Variants in CFAP251 observed in about 807,000 individuals in gnomAD.
The protein encoded by CFAP251 is cilia- and flagella-associated protein 251.
CFAP251 carries 93 observed loss-of-function variants against 126.7 expected under a neutral mutation model. The ratio of observed to expected loss-of-function variants is 0.73; its 90% CI spans 0.62 to 0.87. The LOEUF (loss-of-function observed/expected upper bound fraction) is 0.87, where lower values mean the gene tolerates loss of function less well. Among genes scored for constraint, CFAP251 ranks in the 40% least tolerant of loss-of-function variants. The probability of loss-of-function intolerance (pLI) is 0.00; values close to 1 mark genes in which losing one functional copy is unlikely to be tolerated. For synonymous variants in CFAP251, 503 were observed against 506.9 expected, an observed-to-expected ratio of 0.99 and a Z score of 0.10; for missense variants, 1,287 against 1,389.2, an observed-to-expected ratio of 0.93 and a Z score of 1.17.
At chr12:121,937,313 T>C (rs967166565) in intron 5 of CFAP251, among the ~76,000 whole-genome samples, 8 of 152,178 alleles carry the variant, frequency 5.3e-5, no homozygotes, top group Non-Finnish European at 1.0e-4. Flanking sequence ...ATTCCCACCA[T>C]GCATCCATCT....
chr12:122,001,626 G>A, intron 21 of CFAP251, 28 bp downstream of exon 21: 1 of 1,566,686 alleles, frequency 6.4e-7, no homozygotes, highest in Non-Finnish European at 8.8e-7. Context: ...GTCTGGGCAT[G>A]TAGCTGTGGC....
In CFAP251 at chr12:121,930,419, G is replaced by A. The variant is rs751244179; in HGVS notation, c.748-1327G>A. 8.6e-5 allele frequency among the ~76,000 whole-genome samples: 13 copies of A among 151,938 alleles called. 1 individual carries two copies. The highest frequency in any genetic ancestry group is 5.2e-4 in the Admixed American group (8 of 15,250). On this transcript the variant is annotated intron_variant, in intron 3 of 21. Transcript: ENST00000288912. ...GGAGAATCACTTGAACCTGGGAGGC[G>A]GAGTGAACAGTGAGCTGAGATTGTG... is the stretch of plus-strand genomic sequence containing the variant.
chr12:121,988,691 T>G (rs1882806299), intron 19 of CFAP251, among the ~76,000 whole-genome samples: 1 of 152,146 alleles, frequency 6.6e-6, no homozygotes, highest in Non-Finnish European at 1.5e-5. Flanking sequence ...AAGGCTGCTG[T>G]GAACATTCGT....
intron 18 of CFAP251, 32 bp from the exon 19 acceptor site, chr12:121,975,510 G>A (rs1882434663): frequency 6.2e-7 from 1 of 1,604,218 alleles, no homozygotes; most frequent in African/African-American, 1.3e-5. Context: ...AAGCCTAAAT[G>A]TGTGTTGTGT....
chr12:121,925,259 A>G (rs907467860), intron 3 of CFAP251, among the ~76,000 whole-genome samples: 2 of 152,172 alleles, frequency 1.3e-5, no homozygotes, highest in African/African-American at 4.8e-5. Context: ...ACCATCTGCG[A>G]GGAGTAAAAA....
intron 7 of CFAP251, among the ~76,000 whole-genome samples, chr12:121,945,364 G>A (rs1435405138): frequency 6.6e-6 from 1 of 150,502 alleles, no homozygotes; most frequent in Non-Finnish European, 1.5e-5. Flanking sequence ...TTTTTTTTGA[G>A]ATGGAGTCTC....
intron 5 of CFAP251, among the ~76,000 whole-genome samples, chr12:121,937,527 C>T (rs1880941794): frequency 6.6e-6 from 1 of 152,186 alleles, no homozygotes. Flanking sequence ...AGCGCAGCAC[C>T]AGGCCATGAT....
intron 3 of CFAP251, among the ~76,000 whole-genome samples, chr12:121,928,749 TGCA>T (rs1484497526): frequency 5.3e-5 from 8 of 149,584 alleles, no homozygotes; most frequent in Admixed American, 2.7e-4. Context: ...CAGGCTGCAG[TGCA>T]GCATGACGAT....
chr12:121,921,792 C>T (rs79466758), intron 2 of CFAP251, 109 bp downstream of exon 2: 48 of 796,900 alleles, frequency 6.0e-5, no homozygotes, highest in South Asian at 2.2e-4. Context: ...CAATCCATTC[C>T]TTTTTTTTTT....
chr12:121,962,039 C>T lies in CFAP251; in HGVS notation c.2369C>T (p.Thr790Ile), dbSNP rs372256590. 248 of 1,613,990 alleles carry T rather than the reference C, an allele frequency of 1.5e-4. No individual in the cohort carries two copies. Among genetic ancestry groups the T allele is most frequent in the East Asian group, 1.3e-3 (59 of 44,886 alleles). Residue 790 changes from threonine (T) to isoleucine (I), a missense_variant, in exon 15 of 22, where the codon ACC becomes ATC. Coordinates refer to ENST00000288912, the MANE Select transcript of CFAP251 (RefSeq NM_144668.6). ...DHLEVLDIHHTDQGCYPTCMV... is the reference protein window; with the variant it reads ...DHLEVLDIHHIDQGCYPTCMV... ...CTGGAAGTCCTGGACATTCACCACA[C>T]CGACCAGGGCTGCTATCCCACCTGC...
At chr12:121,956,968 T>C (rs535331542) in intron 10 of CFAP251, 106 bp from the exon 11 acceptor site, 1 of 864,928 alleles carries the variant, frequency 1.2e-6, no homozygotes, top group South Asian at 2.5e-5. Flanking sequence ...TTAAATTAAG[T>C]TTTTGCAATG....
intron 19 of CFAP251, chr12:121,992,355 T>C (rs1196354760): frequency 2.0e-6 from 2 of 985,138 alleles, no homozygotes; most frequent in Non-Finnish European, 2.4e-6. Flanking sequence ...GCTTGTTGAG[T>C]AGTGATTCTT....
At chr12:121,967,985 C>G (rs374476667) in intron 16 of CFAP251, 21 bp from the exon 17 acceptor site, 2 of 1,585,388 alleles carry the variant, frequency 1.3e-6, no homozygotes, top group Non-Finnish European at 1.7e-6. Context: ...TCTGAATATC[C>G]AATTATGTGT....
chr12:121,954,826 A>G (rs1265814799), intron 10 of CFAP251, among the ~76,000 whole-genome samples: 1 of 152,004 alleles, frequency 6.6e-6, no homozygotes, highest in African/African-American at 2.4e-5. Context: ...ATTTATACTA[A>G]TTGGATTTTT....
At chr12:121,948,930 T>C in intron 7 of CFAP251, 54 bp from the exon 8 acceptor site, 2 of 1,088,762 alleles carry the variant, frequency 1.8e-6, no homozygotes, top group Non-Finnish European at 2.7e-6. Flanking sequence ...AACATTCAGC[T>C]TAACCAGAAA....
Position 121,921,673 on chromosome 12 carries a change from G to T in CFAP251, c.368G>T (p.Gly123Val). The T allele has an allele frequency of 1.2e-6, 2 of 1,604,404 alleles. No individual in the cohort carries two copies. Among genetic ancestry groups the T allele is most frequent in the Non-Finnish European group, 1.7e-6 (2 of 1,176,178 alleles). Residue 123 changes from glycine (G) to valine (V), a missense_variant, in exon 2 of 22, where the codon GGA becomes GTA. Gly to Val is a moderately radical substitution (Grantham distance 109, BLOSUM62 -3). Coordinates refer to ENST00000288912, the MANE Select transcript of CFAP251 (RefSeq NM_144668.6). Reference sequence around the variant, plus strand: ...ACTGATTCCCAGTCAATCACATCAGGAATTTTCCCAGTAAGTAGTCATCTT... The same window carrying T: ...ACTGATTCCCAGTCAATCACATCAGTAATTTTCCCAGTAAGTAGTCATCTT... ...QITDSQSITS[G>V]IFPKTQRGSK...
intron 15 of CFAP251, among the ~76,000 whole-genome samples, chr12:121,964,848 G>A (rs1882067014): frequency 2.0e-5 from 3 of 152,064 alleles, no homozygotes; most frequent in African/African-American, 4.8e-5. Flanking sequence ...GCAGTGAGGC[G>A]GGATTTTACT....
intron 12 of CFAP251, 118 bp from the exon 13 acceptor site, chr12:121,958,807 CGGTTCATTTCTCCGCACG>C (rs1418611908): frequency 2.6e-6 from 3 of 1,140,838 alleles, no homozygotes; most frequent in Non-Finnish European, 3.7e-6. Context: ...TCACGCGTTT[CGGTTCATTTCTCCGCACG>C]GGAGCTTTGT....
At chr12:121,944,233 G>A (rs1881233635) in intron 7 of CFAP251, among the ~76,000 whole-genome samples, 1 of 152,188 alleles carries the variant, frequency 6.6e-6, no homozygotes, top group South Asian at 2.1e-4. Context: ...AATCCAAACA[G>A]AGGGTTTGGG....
Sources: gnomAD v4.1 joint callset for allele counts (sites outside exome capture counted in the v4.1 genomes callset) on GRCh38, gnomAD v4.1.1 for gene constraint, MANE v1.5 for transcripts, NCBI Gene and HGNC (gene_info 2026-07-23, HGNC 2026-07-21) for gene names.